The following GALK2 variants were observed in gnomAD, a reference collection of about 807,000 sequenced individuals.
The protein encoded by GALK2 is galactokinase 2.
Under a neutral mutation model 52.4 loss-of-function variants are expected in GALK2, and 36 were observed. That is an observed-to-expected ratio of 0.69 (90% CI 0.53 to 0.91). GALK2 has a LOEUF of 0.91. GALK2 is among the 40% of genes least tolerant of loss of function. GALK2 has a pLI of 0.00. For missense variants in GALK2, 579 were observed against 559.1 expected (o/e 1.04, Z -0.36); for synonymous variants, 176 against 199.1 (o/e 0.88, Z 0.98).
intron 3 of GALK2, among the ~76,000 whole-genome samples, chr15:49,360,247 AAAAAAAGTCTGTG>A (rs2043970331): frequency 6.6e-6 from 1 of 151,954 alleles, no homozygotes; most frequent in Non-Finnish European, 1.5e-5. Context: ...AAGGAAAAAA[AAAAAAAGTCTGTG>A]TATGCATGTG....
intron 3 of GALK2, among the ~76,000 whole-genome samples, chr15:49,357,036 C>G (rs1189508731): frequency 1.3e-5 from 2 of 151,182 alleles, no homozygotes; most frequent in East Asian, 3.9e-4. Context: ...TTGAAACCAA[C>G]GAGAACAAAG....
intron 2 of GALK2, among the ~76,000 whole-genome samples, chr15:49,210,961 ACACACACACACT>A (rs1034689931): frequency 1.9e-4 from 21 of 110,236 alleles, no homozygotes; most frequent in Admixed American, 1.7e-3. Flanking sequence ...TGGCTGTCAC[ACACACACACACT>A]CACACACACA....
rs868128175 is a variant in GALK2 at position 49,170,478 on chromosome 15, C to G, written c.53+103C>G. Reference sequence around the variant, plus strand: ...TCCCTTGGGGCGCTGCTTTTGGTCCCGGGGAGCAAGTGGAACCCTTGGGAT... The same window carrying G: ...TCCCTTGGGGCGCTGCTTTTGGTCCGGGGGAGCAAGTGGAACCCTTGGGAT... On this transcript the variant is annotated intron_variant, in intron 1 of 9. Coordinates refer to ENST00000560031, the MANE Select transcript of GALK2 (RefSeq NM_002044.4). 8.2e-6 allele frequency: 10 copies of G among 1,217,924 alleles called. No individual in the cohort carries two copies. In the South Asian group the frequency reaches 1.1e-4, roughly 13 times the overall value. The allele number at this position is 1,217,924 out of a possible 1,614,324, so 75.4% of individuals were successfully genotyped here. A position where few individuals can be genotyped will look rare whatever the true frequency, so the allele number is the denominator to read the frequency against.
chr15:49,311,432 T>G (rs1377700741), intron 8 of GALK2, among the ~76,000 whole-genome samples: 1 of 152,258 alleles, frequency 6.6e-6, no homozygotes, highest in African/African-American at 2.4e-5. Context: ...TTACATTCTC[T>G]GTTGCTTCTA....
exon 4 of GALK2, chr15:49,367,543 T>A: frequency 6.2e-7 from 1 of 1,607,230 alleles, no homozygotes; most frequent in Non-Finnish European, 8.5e-7. Flanking sequence ...ATAAAATCAA[T>A]GGACTCTGAC....
intron 3 of GALK2, among the ~76,000 whole-genome samples, chr15:49,341,946 C>T (rs896742356): frequency 1.4e-4 from 21 of 152,158 alleles, no homozygotes; most frequent in African/African-American, 5.1e-4. Flanking sequence ...TGCTTTATGG[C>T]CGAGCATGTG....
At chr15:49,318,851 T>C (rs1031612370) in intron 8 of GALK2, 7 of 426,562 alleles carry the variant, frequency 1.6e-5, no homozygotes, top group Non-Finnish European at 2.7e-5. Flanking sequence ...AGCATGTCAC[T>C]TCACTCTATT....
chr15:49,348,494 A>G (rs905640534), intron 3 of GALK2, among the ~76,000 whole-genome samples: 15 of 152,192 alleles, frequency 9.9e-5, no homozygotes, highest in Non-Finnish European at 2.2e-4. Context: ...TTTTCCTTCA[A>G]TAAACAGGAC....
upstream of GALK2, among the ~76,000 whole-genome samples, chr15:49,166,226 C>T (rs2084817700): frequency 6.6e-6 from 1 of 152,114 alleles, no homozygotes; most frequent in South Asian, 2.1e-4. Flanking sequence ...TATGACTGGG[C>T]AAGCAGAGGG....
At chr15:49,239,925 G>A (rs1051867680) in intron 5 of GALK2, among the ~76,000 whole-genome samples, 1 of 152,178 alleles carries the variant, frequency 6.6e-6, no homozygotes, top group African/African-American at 2.4e-5. Context: ...TTTAGAGCAG[G>A]TGTGCTCAGC....
At position 49,328,336 on chromosome 15, in the gene GALK2, T is replaced by C. The variant is rs916860225; in HGVS notation, c.*177T>C. ...CTCTCTATGCTTCATAATGATTCTTTTTCCATCTTAAAATATGGTTTTACT... is the reference window on the plus strand; with the variant it reads ...CTCTCTATGCTTCATAATGATTCTTCTTCCATCTTAAAATATGGTTTTACT... On this transcript the variant is annotated 3_prime_UTR_variant, in exon 10 of 10. Transcript: ENST00000560031. The C allele has an allele frequency of 1.3e-5, 18 of 1,430,592 alleles. No individual in the cohort carries two copies. The highest frequency in any genetic ancestry group is 1.6e-5 in the Non-Finnish European group (18 of 1,096,398). The allele number at this position is 1,430,592 out of a possible 1,614,324, so 88.6% of individuals were successfully genotyped here. A position where few individuals can be genotyped will look rare whatever the true frequency, so the allele number is the denominator to read the frequency against.
chr15:49,255,146 G>A (rs2091762595), intron 5 of GALK2, among the ~76,000 whole-genome samples: 1 of 142,910 alleles, frequency 7.0e-6, no homozygotes, highest in Admixed American at 7.1e-5. Context: ...CTAATATGCA[G>A]TTCATATTCA....
At chr15:49,208,208 G>A (rs887180309) in intron 2 of GALK2, among the ~76,000 whole-genome samples, 1 of 152,104 alleles carries the variant, frequency 6.6e-6, no homozygotes, top group African/African-American at 2.4e-5. Flanking sequence ...GGTTTAGTTT[G>A]TTCTTGTTTC....
chr15:49,179,918 A>G (rs1438095783), intron 1 of GALK2, among the ~76,000 whole-genome samples: 1 of 151,952 alleles, frequency 6.6e-6, no homozygotes, highest in African/African-American at 2.4e-5. Context: ...TCATTATTAG[A>G]GGGTTAGGTA....
chr15:49,333,669 T>C (rs994999358), downstream of GALK2, among the ~76,000 whole-genome samples: 7 of 152,320 alleles, frequency 4.6e-5, no homozygotes, highest in African/African-American at 1.7e-4. Flanking sequence ...AAATAGTATT[T>C]AGAAGTGTGA....
chr15:49,191,793 T>C (rs1489384802), intron 1 of GALK2, among the ~76,000 whole-genome samples: 2 of 152,204 alleles, frequency 1.3e-5, no homozygotes, highest in Non-Finnish European at 2.9e-5. Flanking sequence ...TTACTGATTT[T>C]AGCATCCATT....
At chr15:49,286,588 T>TAAAAAAAAG (rs1353508163) in intron 7 of GALK2, among the ~76,000 whole-genome samples, 2 of 152,208 alleles carry the variant, frequency 1.3e-5, no homozygotes, top group East Asian at 3.8e-4. Flanking sequence ...TTTAAATGTT[T>TAAAAAAAAG]TGAATTTTTA....
At chr15:49,312,777 G>A (rs2036100450) in intron 8 of GALK2, among the ~76,000 whole-genome samples, 1 of 152,166 alleles carries the variant, frequency 6.6e-6, no homozygotes, top group Non-Finnish European at 1.5e-5. Flanking sequence ...TATCTGAAGG[G>A]TTACCTTGTG....
At chr15:49,285,541 T>C (rs560625686) in intron 7 of GALK2, among the ~76,000 whole-genome samples, 1 of 152,308 alleles carries the variant, frequency 6.6e-6, no homozygotes, top group East Asian at 1.9e-4. Flanking sequence ...GATGACTTCC[T>C]AATAAACATC....
Sources: allele counts gnomAD v4.1 joint callset (sites outside exome capture counted in the v4.1 genomes callset), GRCh38; gene constraint gnomAD v4.1.1; transcripts MANE v1.5; gene names NCBI Gene and HGNC (gene_info 2026-07-23, HGNC 2026-07-21).